Variants in LZTFL1 observed in about 807,000 individuals in gnomAD.
The protein encoded by LZTFL1 is leucine zipper transcription factor-like protein 1.
Under a neutral mutation model 45.9 loss-of-function variants are expected in LZTFL1, and 25 were observed. That is an observed-to-expected ratio of 0.54 (90% CI 0.40 to 0.76). LZTFL1 has a LOEUF of 0.76. Among genes scored for constraint, LZTFL1 ranks in the 30% least tolerant of loss-of-function variants. The pLI is 0.00. For missense variants in LZTFL1, 277 were observed against 331.1 expected, an observed-to-expected ratio of 0.84 and a Z score of 1.27; for synonymous variants, 93 against 117.4, an observed-to-expected ratio of 0.79 and a Z score of 1.35.
At chr3:45,892,581 G>GT (rs1196068685) in intron 2 of LZTFL1, among the ~76,000 whole-genome samples, 2 of 152,240 alleles carry the variant, frequency 1.3e-5, no homozygotes, top group African/African-American at 4.8e-5. Context: ...AGGTAGGAGG[G>GT]TGAGGATAAA....
In LZTFL1 at chr3:45,857,184, G is replaced by A. The variant is rs1023318366; in HGVS notation, c.-138+1756C>T. Among the ~76,000 whole-genome samples the A allele has an allele frequency of 2.3e-4, 35 of 152,288 alleles. 1 individual carries two copies. Among genetic ancestry groups the A allele is most frequent in the Admixed American group, 1.4e-3 (22 of 15,306 alleles). On this transcript the variant is annotated intron_variant, in intron 3 of 4. Coordinates refer to the LZTFL1 transcript ENST00000472635. ...GCACATATACACCATGGAATACTAC[G>A]CAGCCATAAAAAGGAACAAGTTAAT...
At chr3:45,861,097 G>A (rs574335078) in intron 2 of LZTFL1, among the ~76,000 whole-genome samples, 7 of 151,994 alleles carry the variant, frequency 4.6e-5, no homozygotes, top group African/African-American at 9.6e-5. Context: ...TAGGAGAGGC[G>A]ATGGACACTA....
rs777788515 is a variant in LZTFL1, at chr3:45,828,515, T to C, written c.701A>G (p.Lys234Arg). 16 of 1,614,034 alleles carry C rather than the reference T, an allele frequency of 9.9e-6. No homozygotes were observed. The Admixed American group carries it at 2.7e-4, about 27-fold the overall frequency. ...TGTCGCCAGATTCTCCTCCAGTGAC[T>C]TCTGGTTTTCTGTCTTGTCATTAAG... The part of the protein sequence containing the change: ...KTLNDKTENQ[K>R]SLEENLATAK... The change falls in exon 8 of 10, where the codon AAG (lysine) becomes AGG (arginine). Residue 234 changes from lysine to arginine, a missense_variant. Transcript: ENST00000296135.
intron 2 of LZTFL1, among the ~76,000 whole-genome samples, chr3:45,894,271 T>C (rs1702278319): frequency 1.3e-5 from 2 of 152,230 alleles, no homozygotes; most frequent in Admixed American, 6.5e-5. Context: ...GACTTCCTTT[T>C]CCTGCTGAAG....
intron 2 of LZTFL1, among the ~76,000 whole-genome samples, chr3:45,836,734 C>T (rs1469019683): frequency 1.3e-5 from 2 of 152,208 alleles, no homozygotes; most frequent in African/African-American, 4.8e-5. Context: ...CCATCTTCTA[C>T]AATCCCCTAA....
At chr3:45,864,605 T>G (rs912606116) in intron 2 of LZTFL1, among the ~76,000 whole-genome samples, 2 of 152,220 alleles carry the variant, frequency 1.3e-5, no homozygotes, top group Admixed American at 1.3e-4. Flanking sequence ...CCTAATTTTA[T>G]GTATTAATAA....
In LZTFL1 at chr3:45,823,600, C is replaced by T. The variant is rs545341050; in HGVS notation, c.*2714G>A. 5 of 152,322 alleles carry T rather than the reference C, an allele frequency of 3.3e-5. No individual in the cohort carries two copies. The South Asian group carries it at 1.0e-3, about 32-fold the overall frequency. 9.4% of individuals were successfully genotyped at this position (152,322 alleles called of 1,614,324 possible). ...GTCATTACCTTTAAGTATAATATTT[C>T]CCCTTTTTCCTAAGCAGTTTTGAAA... On this transcript the variant is annotated 3_prime_UTR_variant, in exon 10 of 10. Transcript: ENST00000296135.
chr3:45,889,051 T>A (rs1702066836), intron 2 of LZTFL1, among the ~76,000 whole-genome samples: 1 of 152,238 alleles, frequency 6.6e-6, no homozygotes. Context: ...AGCAGTGCAA[T>A]GTTAGCTCAC....
At chr3:45,898,952 G>C (rs1702458559) in intron 2 of LZTFL1, among the ~76,000 whole-genome samples, 1 of 152,194 alleles carries the variant, frequency 6.6e-6, no homozygotes, top group South Asian at 2.1e-4. Context: ...TGGATTACGA[G>C]GTCAGAAGTT....
intron 4 of LZTFL1, among the ~76,000 whole-genome samples, chr3:45,852,206 C>G (rs1054329817): frequency 3.9e-5 from 6 of 152,180 alleles, no homozygotes; most frequent in South Asian, 2.1e-4. Context: ...AAAAGGCACT[C>G]TTAAAAACTG....
At position 45,882,942 on chromosome 3, in the gene LZTFL1, C is replaced by T. The variant is rs535747958; in HGVS notation, c.-214-23926G>A. Among the ~76,000 whole-genome samples, 50 of 151,982 alleles carry T rather than the reference C, an allele frequency of 3.3e-4. 1 individual carries two copies. The highest frequency in any genetic ancestry group is 6.8e-3 in the Middle Eastern group (2 of 294). On this transcript the variant is annotated intron_variant, in intron 2 of 4. Coordinates refer to the LZTFL1 transcript ENST00000472635. ...TATAGTTCTATATTTGTGGACAGATCGTTTTAGAACAAGTAAAACACATTT... is the reference window on the plus strand; with the variant it reads ...TATAGTTCTATATTTGTGGACAGATTGTTTTAGAACAAGTAAAACACATTT...
intron 5 of LZTFL1, 118 bp from the exon 6 acceptor site, chr3:45,831,256 T>C: frequency 3.3e-6 from 2 of 603,816 alleles, no homozygotes; most frequent in Non-Finnish European, 5.5e-6. Context: ...AGCTCAAAAA[T>C]GTACTACTGA....
intron 3 of LZTFL1, among the ~76,000 whole-genome samples, chr3:45,855,538 A>G (rs1219954677): frequency 6.7e-6 from 1 of 149,478 alleles, no homozygotes; most frequent in Non-Finnish European, 1.5e-5. Context: ...CCCTTATTCA[A>G]CATAGTATTG....
Position 45,831,116 on chromosome 3 carries a change from T to A in LZTFL1, c.479A>T (p.Glu160Val). ...CAACCTTGACTTCAATTTCTCATTC[T>A]CTTCTTGAAGTCTTAAAATTTCCTT... Reference protein sequence around the residue: ...LNKEILRLQEENEKLKSRLKT... With the variant: ...LNKEILRLQEVNEKLKSRLKT... The change falls in exon 6 of 10, where the codon GAG (glutamate) becomes GTG (valine). Residue 160 changes from glutamate to valine, a missense_variant. Coordinates refer to ENST00000296135, the MANE Select transcript of LZTFL1 (RefSeq NM_020347.4). 6.2e-7 allele frequency: 1 copy of A among 1,600,370 alleles called. No homozygotes were observed.
In LZTFL1 at chr3:45,901,637, C is replaced by T. The variant is rs1335171708; in HGVS notation, c.-215+11483G>A. On this transcript the variant is annotated intron_variant, in intron 2 of 4. Transcript: ENST00000472635. This position sits in a 1 kb window ranked among gnomAD's most constrained non-coding sequence, Gnocchi z 4.3. ...TGGTGCAGACCATTGACGCCTATGC[C>T]ATGTTCATCTCCAACTGTGCCGTTT... 1 of 1,614,178 alleles carries T rather than the reference C, an allele frequency of 6.2e-7. No individual in the cohort carries two copies. The highest frequency in any genetic ancestry group is 8.5e-7 in the Non-Finnish European group (1 of 1,180,004).
upstream of LZTFL1, among the ~76,000 whole-genome samples, chr3:45,842,818 G>A (rs1701153730): frequency 6.6e-6 from 1 of 152,120 alleles, no homozygotes; most frequent in South Asian, 2.1e-4. Flanking sequence ...TGGGTCCTTG[G>A]GATCTGCACT....
At chr3:45,914,815 G>C (rs541276823) in intron 1 of LZTFL1, among the ~76,000 whole-genome samples, 13 of 152,250 alleles carry the variant, frequency 8.5e-5, no homozygotes, top group African/African-American at 2.9e-4. Context: ...TCTTCCACTG[G>C]TCACCTTCAG....
At chr3:45,906,200 C>G (rs890402578) in intron 2 of LZTFL1, among the ~76,000 whole-genome samples, 3 of 152,190 alleles carry the variant, frequency 2.0e-5, no homozygotes, top group African/African-American at 7.2e-5. Context: ...CACAGAACTC[C>G]TCTGAGAAGG....
chr3:45,889,480 GCTT>G lies in LZTFL1; in HGVS notation c.-215+23637_-215+23639del, dbSNP rs541709670. Among the ~76,000 whole-genome samples, 72 of 152,034 alleles carry G rather than the reference GCTT, an allele frequency of 4.7e-4. No individual in the cohort carries two copies. In the East Asian group the frequency reaches 6.0e-3, roughly 13 times the overall value. ...GGTGTGCTGAACGTTAGAGCATTGG[GCTT>G]CTTCTTCTTTTTTTTTTAAATCTGA... On this transcript the variant is annotated intron_variant, in intron 2 of 4. Coordinates refer to the LZTFL1 transcript ENST00000472635.
Sources: gnomAD v4.1 joint callset for allele counts (sites outside exome capture counted in the v4.1 genomes callset) on GRCh38, gnomAD v4.1.1 for gene constraint, Gnocchi (gnomAD v3.1) non-coding constraint, MANE v1.5 for transcripts, NCBI Gene and HGNC (gene_info 2026-07-23, HGNC 2026-07-21) for gene names.